EVC2: variants seen among roughly 807,000 people sequenced by gnomAD.
EVC2 encodes EvC ciliary complex subunit 2, also known as limbin.
EVC2 carries 148 observed loss-of-function variants against 149.3 expected under a neutral mutation model. The observed-to-expected ratio is 0.99, with a 90% confidence interval of 0.87 to 1.14. The LOEUF is 1.14. EVC2 is among the 50% of genes most tolerant of loss of function. The probability of loss-of-function intolerance (pLI) is 0.00; values close to 1 mark genes in which losing one functional copy is unlikely to be tolerated. For synonymous variants in EVC2, 776 were observed against 649.9 expected, an observed-to-expected ratio of 1.19 and a Z score of -2.95; for missense variants, 1,854 against 1,627.3, an observed-to-expected ratio of 1.14 and a Z score of -2.40.
chr4:5,551,139 A>G (rs1401219438), intron 21 of EVC2, among the ~76,000 whole-genome samples: 1 of 150,584 alleles, frequency 6.6e-6, no homozygotes, highest in Non-Finnish European at 1.5e-5. Flanking sequence ...CTGGGGCATC[A>G]CCTAGTGGAG....
At chr4:5,658,017 C>T (rs566377523) in intron 9 of EVC2, among the ~76,000 whole-genome samples, 40 of 152,296 alleles carry the variant, frequency 2.6e-4, no homozygotes, top group Non-Finnish European at 4.6e-4. Context: ...GAAGCATCCT[C>T]TCCAAGATTC....
chr4:5,656,659 C>T lies in EVC2; in HGVS notation c.1145+6448G>A, dbSNP rs2108886803. ...GGCCACAAGCCAAGAAGTGCTGCAG[C>T]CTTGGAAGCCCCAGAAGCTGGAAGA... On this transcript the variant is annotated intron_variant, in intron 9 of 21. Transcript: ENST00000344408. Among the ~76,000 whole-genome samples, 2 of 152,230 alleles carry T rather than the reference C, an allele frequency of 1.3e-5. 1 individual carries two copies. The highest frequency in any genetic ancestry group is 4.2e-4 in the South Asian group (2 of 4,814).
intron 10 of EVC2, among the ~76,000 whole-genome samples, chr4:5,634,586 A>T (rs1464036050): frequency 6.6e-6 from 1 of 152,214 alleles, no homozygotes; most frequent in Non-Finnish European, 1.5e-5. Context: ...TCTGCCGAAG[A>T]ATAAAGTATG....
intron 16 of EVC2, 22 bp from the exon 17 acceptor site, chr4:5,584,872 C>A (rs750915970): frequency 1.2e-6 from 2 of 1,613,318 alleles, no homozygotes; most frequent in African/African-American, 1.3e-5. Flanking sequence ...CAGGGATGGA[C>A]CCAAACCCAG....
chr4:5,532,687 C>A, the EVC2 span, among the ~76,000 whole-genome samples: 5 of 152,186 alleles, frequency 3.3e-5, no homozygotes, highest in African/African-American at 1.2e-4. Context: ...GCTGCCTCTG[C>A]ACTGACCGTC....
rs1722542008 is a variant in EVC2 at position 5,569,833 on chromosome 4, G to A, written c.3361-1193C>T. 6.6e-6 allele frequency among the ~76,000 whole-genome samples: 1 copy of A among 152,058 alleles called. No individual in the cohort carries two copies. The highest frequency in any genetic ancestry group is 1.5e-5 in the Non-Finnish European group (1 of 68,010). Reference sequence around the variant, plus strand: ...TTTCAGTGAAGGCACGAGGAAAGGTGCTGTTCCAAATACCAAAGCTCCTTC... The same window carrying A: ...TTTCAGTGAAGGCACGAGGAAAGGTACTGTTCCAAATACCAAAGCTCCTTC... On this transcript the variant is annotated intron_variant, in intron 19 of 21. Coordinates refer to ENST00000344408, the MANE Select transcript of EVC2 (RefSeq NM_147127.5). This position sits in a 1 kb window ranked among gnomAD's most constrained non-coding sequence, Gnocchi z 4.8.
At position 5,640,850 on chromosome 4, in the gene EVC2, A is replaced by G. The variant is rs1451471713; in HGVS notation, c.1146-12T>C. ...TTGCAATCTCCAACCTAGGAAACAC[A>G]AAAATCAAAAGAATTCCATTACATG... On this transcript the variant is annotated splice_polypyrimidine_tract_variant and intron_variant, in intron 9 of 21. Transcript: ENST00000344408. This position sits in a 1 kb window ranked among gnomAD's most constrained non-coding sequence, Gnocchi z 4.6. 1 of 1,614,106 alleles carries G rather than the reference A, an allele frequency of 6.2e-7. No individual in the cohort carries two copies. Among genetic ancestry groups the G allele is most frequent in the Admixed American group, 1.7e-5 (1 of 60,032 alleles).
chr4:5,628,826 T>G (rs1234396137), intron 11 of EVC2, 92 bp from the exon 12 acceptor site: 3 of 1,309,190 alleles, frequency 2.3e-6, no homozygotes, highest in Admixed American at 2.2e-5. Context: ...TTTCCTTTTA[T>G]AAGAAAATAC....
intron 16 of EVC2, among the ~76,000 whole-genome samples, chr4:5,593,380 T>G (rs1350462799): frequency 1.3e-5 from 2 of 152,184 alleles, no homozygotes; most frequent in Admixed American, 6.5e-5. Context: ...TACTCCTGTT[T>G]GAAAACTTGC....
chr4:5,622,376 T>TC lies in EVC2; in HGVS notation c.2501+160dup, dbSNP rs1356347292. On this transcript the variant is annotated intron_variant, in intron 14 of 21. Transcript: ENST00000344408. This position sits in a 1 kb window ranked among gnomAD's most constrained non-coding sequence, Gnocchi z 5.8. ...GGGTCCTGCGTGACATTCGAGGTCC[T>TC]CCCCCCGGGGCGTTGAGTTTATATG... Among the ~76,000 whole-genome samples the TC allele has an allele frequency of 5.9e-5, 9 of 151,780 alleles. No individual in the cohort carries two copies. The highest frequency in any genetic ancestry group is 5.9e-4 in the Admixed American group (9 of 15,250).
At chr4:5,532,100 T>A in the EVC2 span, among the ~76,000 whole-genome samples, 2 of 152,086 alleles carry the variant, frequency 1.3e-5, no homozygotes, top group African/African-American at 4.8e-5. Context: ...TCCGGAACCA[T>A]GGATACAGAG....
At chr4:5,572,859 G>A (rs1408085320) in intron 19 of EVC2, among the ~76,000 whole-genome samples, 3 of 152,120 alleles carry the variant, frequency 2.0e-5, no homozygotes, top group Admixed American at 2.0e-4. Flanking sequence ...ACATAGGCCG[G>A]GGTGGTCATC....
Position 5,650,604 on chromosome 4 carries a change from C to CAT in EVC2, c.1146-9768_1146-9767dup, listed in dbSNP as rs66673359. 9.6e-3 allele frequency among the ~76,000 whole-genome samples: 509 copies of CAT among 52,924 alleles called. 1 individual carries two copies. Among genetic ancestry groups the CAT allele is most frequent in the Middle Eastern group, 0.014 (1 of 70 alleles). 34.7% of individuals were successfully genotyped at this position (52,924 alleles called of 152,430 possible). On this transcript the variant is annotated intron_variant, in intron 9 of 21. Coordinates refer to ENST00000344408, the MANE Select transcript of EVC2 (RefSeq NM_147127.5). The stretch of plus-strand genomic sequence containing the variant: ...TACGATCAGGCTTTGTTTTAATCGC[C>CAT]ATATATATATATATATATATATATA...
In EVC2 at chr4:5,706,499, G is replaced by A. The variant is rs1722208747; in HGVS notation, c.228+1787C>T. ...ATAGATAATATTGAATGAATGGATG[G>A]ATAGATGGTATCAAGTAATTACATG... On this transcript the variant is annotated intron_variant, in intron 1 of 21. Transcript: ENST00000344408. 2.7e-5 allele frequency among the ~76,000 whole-genome samples: 4 copies of A among 147,086 alleles called. No homozygotes were observed. The Admixed American group carries it at 2.7e-4, about 10-fold the overall frequency.
chr4:5,647,627 C>T (rs553855276), intron 9 of EVC2, among the ~76,000 whole-genome samples: 80 of 152,334 alleles, frequency 5.3e-4, no homozygotes, highest in African/African-American at 1.8e-3. Context: ...GTTGTACAAG[C>T]TCAGAAAACA....
Position 5,670,028 on chromosome 4 carries a change from T to C in EVC2, c.871-4379A>G, listed in dbSNP as rs1319763474. 6.6e-6 allele frequency among the ~76,000 whole-genome samples: 1 copy of C among 152,222 alleles called. No individual in the cohort carries two copies. Among genetic ancestry groups the C allele is most frequent in the Non-Finnish European group, 1.5e-5 (1 of 68,038 alleles). On this transcript the variant is annotated intron_variant, in intron 7 of 21. Coordinates refer to ENST00000344408, the MANE Select transcript of EVC2 (RefSeq NM_147127.5). The surrounding 1 kb of genome is among the most constrained non-coding windows in gnomAD (Gnocchi z 5.2). ...TCATGACCCTCATTTTCTTCATTTA[T>C]CTGTGTTGTTAAATTATGCTAGGTC...
chr4:5,678,043 A>G (rs971558318), intron 7 of EVC2, among the ~76,000 whole-genome samples: 1 of 152,206 alleles, frequency 6.6e-6, no homozygotes, highest in African/African-American at 2.4e-5. Flanking sequence ...AAAAGAGTTA[A>G]CATCTCCAGC....
Position 5,708,439 on chromosome 4 carries a change from C to A in EVC2, c.75G>T (p.Leu25=). The part of the protein sequence containing the change: ...AGGLLAVALA[L]GGRGCLGASS... ...TGGCGCCGAGACAGCCTCGGCCCCC[C>A]AGCGCCAGGGCCACTGCCAGGAGAC... is the stretch of plus-strand genomic sequence containing the variant. The change falls in exon 1 of 22, where the codon CTG becomes CTT. Residue 25 remains leucine (L), a synonymous_variant. Coordinates refer to ENST00000344408, the MANE Select transcript of EVC2 (RefSeq NM_147127.5). 4.0e-6 allele frequency: 6 copies of A among 1,506,116 alleles called. No individual in the cohort carries two copies. Among genetic ancestry groups the A allele is most frequent in the Non-Finnish European group, 5.3e-6 (6 of 1,134,928 alleles). 93.3% of individuals were successfully genotyped at this position (1,506,116 alleles called of 1,614,324 possible). A position where few individuals can be genotyped will look rare whatever the true frequency, so the allele number is the denominator to read the frequency against.
intron 1 of EVC2, among the ~76,000 whole-genome samples, chr4:5,706,063 G>A (rs2151747113): frequency 6.6e-6 from 1 of 152,058 alleles, no homozygotes; most frequent in South Asian, 2.1e-4. Flanking sequence ...CCTACATGCG[G>A]GCCACACCCA....
Sources: allele counts gnomAD v4.1 joint callset (sites outside exome capture counted in the v4.1 genomes callset), GRCh38; gene constraint gnomAD v4.1.1; non-coding constraint Gnocchi (gnomAD v3.1); transcripts MANE v1.5; gene names NCBI Gene and HGNC (gene_info 2026-07-23, HGNC 2026-07-21).